Variants in TCF7L1 observed in about 807,000 individuals in gnomAD.
The protein encoded by TCF7L1 is transcription factor 7-like 1.
TCF7L1 carries 18 observed loss-of-function variants against 63.7 expected under a neutral mutation model. The ratio of observed to expected loss-of-function variants is 0.28; its 90% CI spans 0.20 to 0.42. TCF7L1 has a LOEUF of 0.42. Among genes scored for constraint, TCF7L1 ranks in the 10% least tolerant of loss-of-function variants. The probability of loss-of-function intolerance (pLI) is 1.00; values close to 1 mark genes in which losing one functional copy is unlikely to be tolerated. For missense variants in TCF7L1, 654 were observed against 779.3 expected (o/e 0.84, Z 1.91); for synonymous variants, 355 against 340.9 (o/e 1.04, Z -0.46).
intron 3 of TCF7L1, among the ~76,000 whole-genome samples, chr2:85,260,110 C>T (rs1680824250): frequency 6.6e-6 from 1 of 152,180 alleles, no homozygotes; most frequent in Non-Finnish European, 1.5e-5. Flanking sequence ...GAGGGCAGGC[C>T]TTCCAAACTC....
At chr2:85,225,982 A>G (rs1414167508) in intron 3 of TCF7L1, among the ~76,000 whole-genome samples, 1 of 152,246 alleles carries the variant, frequency 6.6e-6, no homozygotes. Context: ...AGTTTTTAGC[A>G]TGAAATGCTG....
At chr2:85,161,180 G>T (rs1381905388) in intron 3 of TCF7L1, among the ~76,000 whole-genome samples, 2 of 152,228 alleles carry the variant, frequency 1.3e-5, no homozygotes, top group African/African-American at 4.8e-5. Flanking sequence ...ATTTAATGAA[G>T]TGTTGACTCT....
chr2:85,198,296 A>G (rs1041582028), intron 3 of TCF7L1, among the ~76,000 whole-genome samples: 1 of 152,260 alleles, frequency 6.6e-6, no homozygotes, highest in Admixed American at 6.5e-5. Flanking sequence ...CCAGGGAACT[A>G]CATAGAAAAT....
intron 4 of TCF7L1, among the ~76,000 whole-genome samples, chr2:85,288,663 A>G (rs574989849): frequency 2.0e-5 from 3 of 152,370 alleles, no homozygotes; most frequent in South Asian, 4.1e-4. Flanking sequence ...GCAAGTCACA[A>G]CTGGGCCCGG....
intron 4 of TCF7L1, among the ~76,000 whole-genome samples, chr2:85,298,502 A>AAT (rs1491310952): frequency 7.1e-5 from 9 of 126,974 alleles, no homozygotes; most frequent in Admixed American, 1.5e-4. Context: ...AAAAAAAAAA[A>AAT]GCATGTGAGA....
At chr2:85,231,329 A>C (rs1290061302) in intron 3 of TCF7L1, among the ~76,000 whole-genome samples, 1 of 152,226 alleles carries the variant, frequency 6.6e-6, no homozygotes, top group Non-Finnish European at 1.5e-5. Context: ...TAGAAGACCT[A>C]AGAACCACTT....
intron 3 of TCF7L1, among the ~76,000 whole-genome samples, chr2:85,268,537 G>A (rs1681064954): frequency 6.9e-6 from 1 of 145,608 alleles, no homozygotes; most frequent in South Asian, 2.1e-4. Flanking sequence ...GCAGTGGCAC[G>A]ATTTCGGTTC....
chr2:85,288,214 A>T (rs1278501629), intron 4 of TCF7L1, among the ~76,000 whole-genome samples: 2 of 152,200 alleles, frequency 1.3e-5, no homozygotes, highest in Non-Finnish European at 2.9e-5. Flanking sequence ...GGTAACAGAG[A>T]TAATGAGCCT....
chr2:85,234,105 T>TTTTCA (rs1242466424), intron 3 of TCF7L1, among the ~76,000 whole-genome samples: 21 of 151,624 alleles, frequency 1.4e-4, no homozygotes, highest in Non-Finnish European at 2.9e-4. Flanking sequence ...CACTCTGCTT[T>TTTTCA]TTTCATTTCT....
In TCF7L1 at chr2:85,136,330, C is replaced by T. The variant is rs201640961; in HGVS notation, c.441+1880C>T. ...AGTGAGACAGATTTTTGTTAGTGTC[C>T]CCTCCTTCCTTCCTTCTATCACATT... On this transcript the variant is annotated intron_variant, in intron 3 of 11. Transcript: ENST00000282111. Among the ~76,000 whole-genome samples, 24 of 148,956 alleles carry T rather than the reference C, an allele frequency of 1.6e-4. No homozygotes were observed. The East Asian group carries it at 4.4e-3, about 27-fold the overall frequency.
At chr2:85,278,275 AAAACATTGAG>A (rs2104363255) in intron 3 of TCF7L1, among the ~76,000 whole-genome samples, 2 of 152,348 alleles carry the variant, frequency 1.3e-5, no homozygotes, top group Non-Finnish European at 2.9e-5. Flanking sequence ...GGAGGGGCCC[AAAACATTGAG>A]AAAGAGAGGA....
intron 3 of TCF7L1, among the ~76,000 whole-genome samples, chr2:85,149,116 CA>C (rs1558616569): frequency 3.3e-5 from 5 of 152,012 alleles, no homozygotes. Context: ...TAAATGGAGT[CA>C]GGGGAGAGGC....
intron 3 of TCF7L1, among the ~76,000 whole-genome samples, chr2:85,195,959 C>G (rs1035644603): frequency 1.3e-5 from 2 of 152,196 alleles, no homozygotes; most frequent in African/African-American, 4.8e-5. Flanking sequence ...AAAAGGATTT[C>G]TTTAAAGGAC....
Position 85,309,559 on chromosome 2 carries a change from ACTCTGG to A in TCF7L1, c.*98_*103del. 3.8e-6 allele frequency: 5 copies of A among 1,309,486 alleles called. No individual in the cohort carries two copies. The highest frequency in any genetic ancestry group is 5.1e-6 in the Non-Finnish European group (5 of 975,570). The allele number at this position is 1,309,486 out of a possible 1,614,324, so 81.1% of individuals were successfully genotyped here. On this transcript the variant is annotated 3_prime_UTR_variant, in exon 12 of 12. Transcript: ENST00000282111. ...AGACTTTATTGGTCAATATTTGACC[ACTCTGG>A]ACTGTTCTGTAAAGTGGCTGGTAAC...
chr2:85,135,638 A>C (rs1046690247), intron 3 of TCF7L1, among the ~76,000 whole-genome samples: 8 of 149,234 alleles, frequency 5.4e-5, no homozygotes, highest in Admixed American at 5.3e-4. Flanking sequence ...TGGAGAGCCA[A>C]GTCCTCCACA....
intron 3 of TCF7L1, among the ~76,000 whole-genome samples, chr2:85,226,846 G>A (rs1157331834): frequency 7.0e-6 from 1 of 142,066 alleles, no homozygotes; most frequent in Non-Finnish European, 1.5e-5. Flanking sequence ...ACCTCCCAGT[G>A]CACCACTTTC....
intron 3 of TCF7L1, among the ~76,000 whole-genome samples, chr2:85,200,616 A>T (rs1222077082): frequency 6.6e-6 from 1 of 151,854 alleles, no homozygotes; most frequent in Non-Finnish European, 1.5e-5. Flanking sequence ...TAATGTCATG[A>T]CTCTTCTCTT....
intron 4 of TCF7L1, among the ~76,000 whole-genome samples, chr2:85,286,823 C>A (rs191365848): frequency 1.3e-5 from 2 of 152,226 alleles, no homozygotes; most frequent in East Asian, 3.9e-4. Flanking sequence ...CAGATGCAGT[C>A]ATTCACACCT....
chr2:85,144,436 A>C lies in TCF7L1; in HGVS notation c.441+9986A>C, dbSNP rs753012937. Among the ~76,000 whole-genome samples the C allele has an allele frequency of 4.6e-3, 661 of 144,178 alleles. 4 individuals are homozygous for C. The highest frequency in any genetic ancestry group is 6.9e-3 in the Non-Finnish European group (454 of 65,428). 94.6% of individuals were successfully genotyped at this position (144,178 alleles called of 152,430 possible). A position where few individuals can be genotyped will look rare whatever the true frequency, so the allele number is the denominator to read the frequency against. The stretch of plus-strand genomic sequence containing the variant: ...TCTCTACAAAAAAAAAAAAAAAAAC[A>C]AAAACCAAAAAAAACATTAGCCAGG... On this transcript the variant is annotated intron_variant, in intron 3 of 11. Coordinates refer to ENST00000282111, the MANE Select transcript of TCF7L1 (RefSeq NM_031283.3).
Sources: gnomAD v4.1 joint callset for allele counts (sites outside exome capture counted in the v4.1 genomes callset) on GRCh38, gnomAD v4.1.1 for gene constraint, MANE v1.5 for transcripts, NCBI Gene and HGNC (gene_info 2026-07-23, HGNC 2026-07-21) for gene names.